Variants in TTLL5 observed in about 807,000 individuals in gnomAD.
The protein encoded by TTLL5 is tubulin tyrosine ligase like 5.
A neutral mutation model predicts 168.4 loss-of-function variants in TTLL5; 132 were observed. The observed-to-expected ratio is 0.78, with a 90% CI of 0.68 to 0.91. TTLL5 has a LOEUF of 0.91. TTLL5 is among the 40% of genes least tolerant of loss of function. The pLI is 0.00. For synonymous variants in TTLL5, 546 were observed against 558.6 expected (o/e 0.98, Z 0.32); for missense variants, 1,545 against 1,581.5 (o/e 0.98, Z 0.39).
intron 9 of TTLL5, chr14:75,709,501 T>C (rs913639724): frequency 3.5e-5 from 11 of 312,688 alleles, no homozygotes; most frequent in Middle Eastern, 8.3e-4. Flanking sequence ...TCCCTAGTTC[T>C]GGCCTCTTCC....
At chr14:75,919,235 G>GA (rs2033737586) in intron 31 of TTLL5, among the ~76,000 whole-genome samples, 1 of 109,548 alleles carries the variant, frequency 9.1e-6, no homozygotes, top group African/African-American at 3.2e-5. Flanking sequence ...AAAAGAAAAA[G>GA]AAAAGAAAAG....
At chr14:75,682,734 G>GT (rs1298816643) in intron 4 of TTLL5, among the ~76,000 whole-genome samples, 1 of 151,382 alleles carries the variant, frequency 6.6e-6, no homozygotes, top group Non-Finnish European at 1.5e-5. Flanking sequence ...CTTGAGATTT[G>GT]TAAGAGACAT....
chr14:75,769,017 ACTT>A (rs756357164), intron 20 of TTLL5, among the ~76,000 whole-genome samples: 5 of 152,152 alleles, frequency 3.3e-5, no homozygotes, highest in Non-Finnish European at 7.4e-5. Context: ...GTTTTTTCAA[ACTT>A]CTTCCTAGAG....
At chr14:75,833,283 C>G (rs990705888) in intron 28 of TTLL5, among the ~76,000 whole-genome samples, 4 of 152,178 alleles carry the variant, frequency 2.6e-5, no homozygotes, top group Non-Finnish European at 4.4e-5. Context: ...CTCTGCTGTT[C>G]GGTACATCTT....
intron 28 of TTLL5, chr14:75,820,647 T>C (rs1894772398): frequency 6.5e-6 from 1 of 154,230 alleles, no homozygotes; most frequent in Non-Finnish European, 1.5e-5. Flanking sequence ...CAATGCTCAT[T>C]TGGGAAGTGG....
chr14:75,779,832 G>C, intron 24 of TTLL5, 130 bp downstream of exon 24: 1 of 837,008 alleles, frequency 1.2e-6, no homozygotes. Flanking sequence ...TTGCAGCTTG[G>C]GGAGGGAGTG....
intron 31 of TTLL5, among the ~76,000 whole-genome samples, chr14:75,945,855 A>C (rs568166772): frequency 6.6e-6 from 1 of 152,348 alleles, no homozygotes; most frequent in South Asian, 2.1e-4. Context: ...AGCTGGAGGG[A>C]GTGGAAGGAT....
chr14:75,676,251 C>T (rs1884144990), intron 3 of TTLL5, among the ~76,000 whole-genome samples: 1 of 152,188 alleles, frequency 6.6e-6, no homozygotes, highest in South Asian at 2.1e-4. Flanking sequence ...GGTATCTGGG[C>T]ATCCTGTGGC....
At chr14:75,740,403 T>A (rs527749158) in intron 15 of TTLL5, among the ~76,000 whole-genome samples, 268 of 152,316 alleles carry the variant, frequency 1.8e-3, no homozygotes, top group African/African-American at 6.3e-3. Flanking sequence ...TCTTACATTT[T>A]TGAAGATTAG....
chr14:75,913,614 T>A (rs537321804), intron 31 of TTLL5, among the ~76,000 whole-genome samples: 2 of 152,178 alleles, frequency 1.3e-5, no homozygotes, highest in African/African-American at 4.8e-5. Context: ...TAACCAAAAA[T>A]AAAAAAGAAA....
chr14:75,744,971 G>T (rs1201726190), intron 15 of TTLL5, 124 bp from the exon 16 acceptor site: 12 of 750,532 alleles, frequency 1.6e-5, no homozygotes, highest in Non-Finnish European at 2.1e-5. Context: ...ACAGAAAGTG[G>T]GCTATGAATT....
intron 31 of TTLL5, among the ~76,000 whole-genome samples, chr14:75,910,204 A>G (rs770372018): frequency 6.6e-6 from 1 of 152,210 alleles, no homozygotes; most frequent in Non-Finnish European, 1.5e-5. Flanking sequence ...AACAATTACT[A>G]CTTTGTTATA....
intron 21 of TTLL5, among the ~76,000 whole-genome samples, chr14:75,772,654 C>A (rs1891413540): frequency 6.6e-6 from 1 of 151,474 alleles, no homozygotes; most frequent in South Asian, 2.1e-4. Context: ...GAAGAAGCCA[C>A]AGCCCTTCCA....
chr14:75,843,713 C>T (rs74364893), intron 28 of TTLL5, among the ~76,000 whole-genome samples: 1,889 of 152,192 alleles, frequency 0.012, 15 homozygotes, highest in South Asian at 0.025. Flanking sequence ...AAACATTTAG[C>T]GCAGTGCCTG....
Position 75,737,655 on chromosome 14 carries a change from T to A in TTLL5, c.1281+2366T>A, listed in dbSNP as rs888731545. 6 of 1,512,088 alleles carry A rather than the reference T, an allele frequency of 4.0e-6. No individual in the cohort carries two copies. In the African/African-American group the frequency reaches 7.0e-5, roughly 18 times the overall value. 93.7% of individuals were successfully genotyped at this position (1,512,088 alleles called of 1,614,324 possible). On this transcript the variant is annotated intron_variant, in intron 15 of 31. Transcript: ENST00000298832. ...ACTTCTTCAAATTTTATTTTCATTC[T>A]CCAAATGGAAAGTTTTTTAGCTTTA...
At chr14:75,711,022 A>G (rs1437942702) in intron 9 of TTLL5, 1 of 152,218 alleles carries the variant, frequency 6.6e-6, no homozygotes. Context: ...TTCATTTCAC[A>G]AGACAGTTTT....
chr14:75,756,568 C>T (rs568941402), intron 18 of TTLL5, among the ~76,000 whole-genome samples: 12 of 151,178 alleles, frequency 7.9e-5, no homozygotes, highest in African/African-American at 2.4e-4. Context: ...AGTGCAGTGG[C>T]GCAATCTCGG....
chr14:75,669,441 G>C lies in TTLL5; in HGVS notation c.100G>C (p.Gly34Arg). The C allele has an allele frequency of 6.2e-7, 1 of 1,614,084 alleles. No homozygotes were observed. The highest frequency in any genetic ancestry group is 8.5e-7 in the Non-Finnish European group (1 of 1,179,924). Residue 34 changes from glycine to arginine, a missense_variant, in exon 3 of 32, where the codon GGA becomes CGA. By Grantham distance (125) the Gly-to-Arg change is moderately radical (BLOSUM62 -2). Coordinates refer to ENST00000298832, the MANE Select transcript of TTLL5 (RefSeq NM_015072.5). ...QEDHPCIMWT[G>R]GCRRIPVLVF... Reference sequence around the variant, plus strand: ...GGATCATCCATGCATCATGTGGACTGGAGGCTGCAGGAGAATTCCAGTTTT... The same window carrying C: ...GGATCATCCATGCATCATGTGGACTCGAGGCTGCAGGAGAATTCCAGTTTT...
intron 7 of TTLL5, among the ~76,000 whole-genome samples, chr14:75,699,814 C>T (rs899604071): frequency 2.0e-5 from 3 of 152,080 alleles, no homozygotes; most frequent in Non-Finnish European, 4.4e-5. Context: ...GCAAAATTCT[C>T]ATTAAAAGTT....
Sources: allele counts gnomAD v4.1 joint callset (sites outside exome capture counted in the v4.1 genomes callset), GRCh38; gene constraint gnomAD v4.1.1; transcripts MANE v1.5; gene names NCBI Gene and HGNC (gene_info 2026-07-23, HGNC 2026-07-21).